The following THADA variants were observed in gnomAD, a reference collection of about 807,000 sequenced individuals.
THADA encodes the protein tRNA (32-2'-O)-methyltransferase regulator THADA.
Under a neutral mutation model 219.8 loss-of-function variants are expected in THADA, and 213 were observed. The observed-to-expected ratio is 0.97, with a 90% CI of 0.87 to 1.09. The LOEUF is 1.09. Among genes scored for constraint, THADA ranks in the 50% least tolerant of loss-of-function variants. THADA has a pLI of 0.00. For missense variants in THADA, 2,956 were observed against 2,311.3 expected (o/e 1.28, Z -5.72); for synonymous variants, 1,018 against 828.9 (o/e 1.23, Z -3.92).
chr2:43,279,732 A>G (rs1217071050), intron 36 of THADA, 33 bp downstream of exon 36: 1 of 1,540,534 alleles, frequency 6.5e-7, no homozygotes, highest in African/African-American at 1.4e-5. Context: ...TCCTGCAGCG[A>G]TAAGACAATG....
intron 24 of THADA, among the ~76,000 whole-genome samples, chr2:43,504,336 A>G (rs1689389235): frequency 6.6e-6 from 1 of 152,118 alleles, no homozygotes; most frequent in Non-Finnish European, 1.5e-5. Context: ...ATGACTGTGG[A>G]AAAGAATGGG....
At chr2:43,449,449 G>A (rs751470602) in intron 26 of THADA, among the ~76,000 whole-genome samples, 80 of 152,034 alleles carry the variant, frequency 5.3e-4, no homozygotes, top group Non-Finnish European at 9.6e-4. Context: ...TGAAAGACAG[G>A]AATATAAACA....
At chr2:43,449,140 A>G (rs1181709576) in intron 26 of THADA, among the ~76,000 whole-genome samples, 1 of 152,218 alleles carries the variant, frequency 6.6e-6, no homozygotes, top group Non-Finnish European at 1.5e-5. Flanking sequence ...ACCTAAAAAG[A>G]AACATAAAAA....
intron 29 of THADA, among the ~76,000 whole-genome samples, chr2:43,366,685 A>G (rs1477627941): frequency 6.6e-6 from 1 of 152,234 alleles, no homozygotes; most frequent in Non-Finnish European, 1.5e-5. Context: ...AAAACAAAAA[A>G]TCAAGATTCC....
At chr2:43,498,103 C>T in intron 25 of THADA, among the ~76,000 whole-genome samples, 1 of 152,226 alleles carries the variant, frequency 6.6e-6, no homozygotes, top group East Asian at 1.9e-4. Context: ...ATCAACCCTT[C>T]ATATACTACA....
intron 31 of THADA, among the ~76,000 whole-genome samples, chr2:43,305,832 G>C (rs1282955112): frequency 6.6e-6 from 1 of 152,144 alleles, no homozygotes; most frequent in Non-Finnish European, 1.5e-5. Context: ...ATAAACACAT[G>C]ACAACCCAAA....
chr2:43,266,309 G>C (rs566490416), intron 36 of THADA, among the ~76,000 whole-genome samples: 1 of 152,140 alleles, frequency 6.6e-6, no homozygotes, highest in African/African-American at 2.4e-5. Flanking sequence ...AACATGCTCC[G>C]GGCTGGGCAT....
intron 30 of THADA, among the ~76,000 whole-genome samples, chr2:43,324,157 TGAG>T (rs1679064075): frequency 6.6e-6 from 1 of 152,226 alleles, no homozygotes; most frequent in African/African-American, 2.4e-5. Flanking sequence ...TCAAGTCTGA[TGAG>T]GAGCCTGGTT....
At chr2:43,374,176 T>C (rs1395507282) in intron 29 of THADA, among the ~76,000 whole-genome samples, 1 of 152,240 alleles carries the variant, frequency 6.6e-6, no homozygotes, top group African/African-American at 2.4e-5. Context: ...CTTTATAATA[T>C]TCAGCCCAAT....
intron 26 of THADA, among the ~76,000 whole-genome samples, chr2:43,458,720 A>C (rs1355562744): frequency 6.6e-6 from 1 of 152,120 alleles, no homozygotes; most frequent in Non-Finnish European, 1.5e-5. Context: ...CAAAACAACA[A>C]CAAAAAACCC....
chr2:43,310,228 C>CCCG (rs1553382805), intron 31 of THADA, among the ~76,000 whole-genome samples: 3 of 110,458 alleles, frequency 2.7e-5, no homozygotes, highest in East Asian at 6.6e-4. Flanking sequence ...CCTTTCCCGC[C>CCCG]CCCCCCCCAA....
At chr2:43,260,154 C>T (rs561832274) in intron 36 of THADA, among the ~76,000 whole-genome samples, 27 of 152,234 alleles carry the variant, frequency 1.8e-4, no homozygotes, top group Non-Finnish European at 2.9e-4. Flanking sequence ...CAGCTGGTCT[C>T]GAACTCCTGA....
At chr2:43,413,196 TC>T (rs1043206851) in intron 28 of THADA, among the ~76,000 whole-genome samples, 2 of 152,152 alleles carry the variant, frequency 1.3e-5, no homozygotes, top group African/African-American at 4.8e-5. Context: ...TTCCCTTTCC[TC>T]CCTCCCTTCC....
intron 26 of THADA, among the ~76,000 whole-genome samples, chr2:43,469,772 T>C (rs898672751): frequency 6.6e-6 from 1 of 152,132 alleles, no homozygotes; most frequent in Admixed American, 6.6e-5. Context: ...CAATGATAAG[T>C]AGGTGGTTAA....
At chr2:43,350,562 C>A (rs1443554264) in intron 29 of THADA, among the ~76,000 whole-genome samples, 1 of 152,220 alleles carries the variant, frequency 6.6e-6, no homozygotes, top group African/African-American at 2.4e-5. Context: ...ATGCAGGGTG[C>A]CATGCTTACT....
At chr2:43,583,973 G>C (rs1458595339) in intron 7 of THADA, among the ~76,000 whole-genome samples, 2 of 145,060 alleles carry the variant, frequency 1.4e-5, no homozygotes, top group Non-Finnish European at 3.0e-5. Context: ...TTGGGAGGCA[G>C]AGATTGCAGT....
Position 43,287,019 on chromosome 2 carries a change from G to C in THADA, c.5053C>G (p.Leu1685Val), listed in dbSNP as rs1674111181. 6.2e-7 allele frequency: 1 copy of C among 1,613,898 alleles called. No individual in the cohort carries two copies. The highest frequency in any genetic ancestry group is 2.2e-5 in the East Asian group (1 of 44,884). Residue 1685 changes from leucine (L) to valine (V), a missense_variant, in exon 35 of 38, where the codon CTG (leucine) becomes GTG (valine). Physicochemically the swap from Leu to Val is conservative, Grantham distance 32. Coordinates refer to ENST00000405975, the MANE Select transcript of THADA (RefSeq NM_022065.5). ...IAAELKQWVQ[L>V]VILSCEDHLP... is the part of the protein sequence containing the mutation. ...TGGTCTTCACATGACAAGATGACCA[G>C]CTGAACCCACTGCTTCAGCTCAGCA...
chr2:43,287,248 G>C (rs1039655199), intron 34 of THADA, among the ~76,000 whole-genome samples, 187 bp from the exon 35 acceptor site: 2 of 152,146 alleles, frequency 1.3e-5, no homozygotes, highest in African/African-American at 4.8e-5. Flanking sequence ...AATCTGACTT[G>C]TCTTTCGGTA....
chr2:43,383,428 T>C (rs1466781694), intron 29 of THADA, among the ~76,000 whole-genome samples: 3 of 152,180 alleles, frequency 2.0e-5, no homozygotes, highest in Non-Finnish European at 4.4e-5. Context: ...ATCAGCAGTT[T>C]AAGCTAACAT....
Sources: gnomAD v4.1 joint callset for allele counts (sites outside exome capture counted in the v4.1 genomes callset) on GRCh38, gnomAD v4.1.1 for gene constraint, MANE v1.5 for transcripts, NCBI Gene and HGNC (gene_info 2026-07-23, HGNC 2026-07-21) for gene names.